Variants in WDR72 observed in about 807,000 individuals in gnomAD.
The protein encoded by WDR72 is WD repeat domain 72, also known as WD repeat-containing protein 72.
Under a neutral mutation model 124.2 loss-of-function variants are expected in WDR72, and 120 were observed. The observed-to-expected ratio is 0.97, with a 90% CI of 0.83 to 1.12. The LOEUF is 1.12. WDR72 is among the 50% of genes most tolerant of loss of function. WDR72 has a pLI of 0.00. For missense variants in WDR72, 1,387 were observed against 1,278.8 expected (o/e 1.08, Z -1.29); for synonymous variants, 452 against 441.7 (o/e 1.02, Z -0.29).
intron 3 of WDR72, among the ~76,000 whole-genome samples, chr15:53,718,697 G>A (rs1269863896): frequency 6.7e-6 from 1 of 150,058 alleles, no homozygotes; most frequent in African/African-American, 2.5e-5. Flanking sequence ...GCCTAAGTTT[G>A]TACATAGCTA....
intron 14 of WDR72, among the ~76,000 whole-genome samples, chr15:53,640,528 A>G (rs991023505): frequency 6.6e-6 from 1 of 152,248 alleles, no homozygotes; most frequent in Non-Finnish European, 1.5e-5. Context: ...TTTTCTAAAA[A>G]TACAATCATT....
In WDR72 at chr15:53,514,508, A is replaced by T. The variant is rs1891329805; in HGVS notation, c.*3191T>A. 6.6e-6 allele frequency: 1 copy of T among 152,196 alleles called. No individual in the cohort carries two copies. Among genetic ancestry groups the T allele is most frequent in the African/African-American group, 2.4e-5 (1 of 41,456 alleles). The allele number at this position is 152,196 out of a possible 1,614,324, so 9.4% of individuals were successfully genotyped here. On this transcript the variant is annotated 3_prime_UTR_variant, in exon 20 of 20. Coordinates refer to ENST00000360509, the MANE Select transcript of WDR72 (RefSeq NM_182758.4). ...ATTATAATAATTATGAAAGGATTTT[A>T]AAAATACAGAACACTGGAAAAAATG...
intron 18 of WDR72, among the ~76,000 whole-genome samples, chr15:53,545,734 A>G (rs1893421517): frequency 2.3e-5 from 3 of 132,128 alleles, no homozygotes; most frequent in East Asian, 2.0e-4. Context: ...GCAACCTACA[A>G]AATGGGAGAA....
chr15:53,665,739 T>C lies in WDR72; in HGVS notation c.1795A>G (p.Arg599Gly). 4 of 1,613,880 alleles carry C rather than the reference T, an allele frequency of 2.5e-6. No individual in the cohort carries two copies. Among genetic ancestry groups the C allele is most frequent in the Non-Finnish European group, 3.4e-6 (4 of 1,179,848 alleles). ...CAACAATTAAGAATAATTCGTGCTC[T>C]TTCTCCTGTCTCATGTCTTTCCAAA... ...GTLERHETGE[R>G]ARIILNCCDD... The change falls in exon 14 of 20, where the codon AGA (arginine) becomes GGA (glycine). Residue 599 changes from arginine (R) to glycine (G), a missense_variant. Coordinates refer to ENST00000360509, the MANE Select transcript of WDR72 (RefSeq NM_182758.4).
chr15:53,523,240 G>A lies in WDR72; in HGVS notation c.3231C>T (p.Ala1077=), dbSNP rs757304081. 4 of 1,612,904 alleles carry A rather than the reference G, an allele frequency of 2.5e-6. No homozygotes were observed. Among genetic ancestry groups the A allele is most frequent in the Non-Finnish European group, 2.5e-6 (3 of 1,179,368 alleles). Residue 1077 remains alanine (A), a synonymous_variant, in exon 19 of 20, where the codon GCC becomes GCT. Transcript: ENST00000360509. ...QDVEDMPDRC[A]LEESESPGEP... is the part of the protein sequence containing the mutation. The stretch of plus-strand genomic sequence containing the variant: ...CACCTGGACTCTCAGACTCTTCCAA[G>A]GCACATCTGTCAGGCATGTCCTCCA...
intron 14 of WDR72, among the ~76,000 whole-genome samples, chr15:53,654,231 C>T (rs1257629789): frequency 1.3e-5 from 2 of 152,166 alleles, no homozygotes; most frequent in Admixed American, 1.3e-4. Context: ...AAGAGGGCTG[C>T]AAAAGATTTA....
chr15:53,740,295 T>A (rs1567058751), intron 1 of WDR72, among the ~76,000 whole-genome samples: 1 of 142,916 alleles, frequency 7.0e-6, no homozygotes, highest in African/African-American at 2.6e-5. Flanking sequence ...CTGAAAAAAA[T>A]TGATTCAACT....
chr15:53,618,025 T>C (rs997979541), intron 14 of WDR72, among the ~76,000 whole-genome samples: 3 of 151,934 alleles, frequency 2.0e-5, no homozygotes, highest in African/African-American at 7.2e-5. Context: ...TTGTGCTGTG[T>C]TGTTTACTTT....
rs2012199767 is a variant in WDR72 at position 53,586,117 on chromosome 15, A to G, written c.3148+10962T>C. ...CATATTCTTCTCAGATTTCAAGTAC[A>G]TAGCTTGGGAAACAGAGCACCTAAT... On this transcript the variant is annotated intron_variant, in intron 18 of 19. Transcript: ENST00000360509. 4.6e-5 allele frequency among the ~76,000 whole-genome samples: 7 copies of G among 152,172 alleles called. No homozygotes were observed. In the South Asian group the frequency reaches 1.4e-3, roughly 32 times the overall value.
chr15:53,667,702 T>C (rs2015828152), intron 13 of WDR72, among the ~76,000 whole-genome samples: 1 of 152,230 alleles, frequency 6.6e-6, no homozygotes, highest in Admixed American at 6.5e-5. Flanking sequence ...TATTTTCTTC[T>C]CACAGGTTCT....
intron 13 of WDR72, among the ~76,000 whole-genome samples, chr15:53,683,436 G>A (rs767839996): frequency 6.6e-6 from 1 of 152,056 alleles, no homozygotes; most frequent in Admixed American, 6.6e-5. Context: ...ATATAAGAAA[G>A]TATCACTTGT....
At chr15:53,535,392 C>T (rs1229034205) in intron 18 of WDR72, among the ~76,000 whole-genome samples, 1 of 152,182 alleles carries the variant, frequency 6.6e-6, no homozygotes, top group Non-Finnish European at 1.5e-5. Flanking sequence ...TGATCATCAA[C>T]CTTTGCAGAG....
At position 53,518,419 on chromosome 15, in the gene WDR72, C is replaced by CTG. The variant is rs371876012; in HGVS notation, c.3254-667_3254-666dup. Among the ~76,000 whole-genome samples, 586 of 151,450 alleles carry CTG rather than the reference C, an allele frequency of 3.9e-3. 1 individual carries two copies. The highest frequency in any genetic ancestry group is 0.01 in the Middle Eastern group (3 of 292). ...TAGTTAAACCAGTACTGTATACTAA[C>CTG]TGTGTGTGTGTGTGTATTAATGTAT... On this transcript the variant is annotated intron_variant, in intron 19 of 19. Transcript: ENST00000360509.
chr15:53,705,281 C>A, intron 10 of WDR72, 48 bp from the exon 11 acceptor site: 1 of 1,582,926 alleles, frequency 6.3e-7, no homozygotes, highest in South Asian at 1.1e-5. Flanking sequence ...ATCAGTACAT[C>A]ATAGACATGG....
At chr15:53,599,387 C>T (rs924244563) in intron 17 of WDR72, among the ~76,000 whole-genome samples, 4 of 151,994 alleles carry the variant, frequency 2.6e-5, no homozygotes, top group African/African-American at 7.2e-5. Flanking sequence ...TAAGTGAAAA[C>T]GTTTGTATTT....
intron 11 of WDR72, among the ~76,000 whole-genome samples, 162 bp downstream of exon 11, chr15:53,704,826 A>AC (rs377273786): frequency 4.2e-4 from 64 of 151,232 alleles, no homozygotes; most frequent in African/African-American, 1.4e-3. Context: ...TAAAAAAAAA[A>AC]AAAAAACCTA....
At chr15:53,736,598 G>A (rs2018361039) in intron 1 of WDR72, among the ~76,000 whole-genome samples, 1 of 152,182 alleles carries the variant, frequency 6.6e-6, no homozygotes, top group Non-Finnish European at 1.5e-5. Flanking sequence ...GAAGCCCAAG[G>A]AGGATAGGAA....
At chr15:53,646,846 G>A (rs1472473502) in intron 14 of WDR72, among the ~76,000 whole-genome samples, 1 of 152,020 alleles carries the variant, frequency 6.6e-6, no homozygotes, top group Non-Finnish European at 1.5e-5. Flanking sequence ...GGCCAAATAG[G>A]TGTAATAAAA....
intron 13 of WDR72, among the ~76,000 whole-genome samples, chr15:53,678,286 GAAAT>G (rs902609990): frequency 6.6e-6 from 1 of 152,068 alleles, no homozygotes; most frequent in Admixed American, 6.5e-5. Flanking sequence ...GAAGGCTTAC[GAAAT>G]AAATGTAGCA....
Sources: allele counts gnomAD v4.1 joint callset (sites outside exome capture counted in the v4.1 genomes callset), GRCh38; gene constraint gnomAD v4.1.1; transcripts MANE v1.5; gene names NCBI Gene and HGNC (gene_info 2026-07-23, HGNC 2026-07-21).